The following UST variants were observed in gnomAD, a reference collection of about 807,000 sequenced individuals.
UST encodes chondroitin sulfate 2-O-sulfotransferase.
Under a neutral mutation model 45.6 loss-of-function variants are expected in UST, and 21 were observed. That is an observed-to-expected ratio of 0.46 (90% CI 0.33 to 0.66). The LOEUF is 0.66. UST is among the 30% of genes least tolerant of loss of function. The pLI is 0.02. For missense variants in UST, 463 were observed against 512.4 expected, an observed-to-expected ratio of 0.90 and a Z score of 0.93; for synonymous variants, 215 against 200.6, an observed-to-expected ratio of 1.07 and a Z score of -0.61.
chr6:148,879,952 C>CTTTTTTTTT (rs766758383), intron 1 of UST, among the ~76,000 whole-genome samples: 1 of 119,854 alleles, frequency 8.3e-6, no homozygotes, highest in Non-Finnish European at 1.8e-5. Flanking sequence ...TTTTTTTTTT[C>CTTTTTTTTT]TTTTTTTTTT....
chr6:148,950,717 A>C (rs1272846541), intron 3 of UST, among the ~76,000 whole-genome samples: 1 of 152,214 alleles, frequency 6.6e-6, no homozygotes, highest in Non-Finnish European at 1.5e-5. Flanking sequence ...CTACTGAGGG[A>C]AACCTCCCTG....
chr6:149,006,341 G>C (rs549166969), intron 5 of UST, among the ~76,000 whole-genome samples: 2 of 152,166 alleles, frequency 1.3e-5, no homozygotes, highest in Middle Eastern at 3.4e-3. Context: ...GTAGTGTTTG[G>C]TTTTCTGTTC....
At chr6:148,886,874 G>T in intron 1 of UST, 112 bp from the exon 2 acceptor site, 2 of 894,650 alleles carry the variant, frequency 2.2e-6, no homozygotes, top group African/African-American at 1.7e-5. Flanking sequence ...CTTTGGTACT[G>T]TTGTCTGAGC....
At chr6:148,894,550 A>C (rs1779082541) in intron 2 of UST, among the ~76,000 whole-genome samples, 1 of 152,162 alleles carries the variant, frequency 6.6e-6, no homozygotes, top group Non-Finnish European at 1.5e-5. Flanking sequence ...TTCCCCCTCC[A>C]AACCCCCAGG....
At position 148,882,196 on chromosome 6, in the gene UST, T is replaced by C. The variant is rs754837877; in HGVS notation, c.248-4790T>C. Among the ~76,000 whole-genome samples, 7 of 152,184 alleles carry C rather than the reference T, an allele frequency of 4.6e-5. No individual in the cohort carries two copies. The South Asian group carries it at 1.0e-3, about 23-fold the overall frequency. On this transcript the variant is annotated intron_variant, in intron 1 of 7. Transcript: ENST00000367463. ...GAAAGAAGCATTAAAGAGAGTTGTCTCATTTCTGGTTGGGCGCAGTGGCTC... is the reference window on the plus strand; with the variant it reads ...GAAAGAAGCATTAAAGAGAGTTGTCCCATTTCTGGTTGGGCGCAGTGGCTC...
chr6:149,007,531 G>A (rs1204792763), intron 5 of UST, among the ~76,000 whole-genome samples: 4 of 145,808 alleles, frequency 2.7e-5, no homozygotes, highest in African/African-American at 2.6e-5. Context: ...CTCATGATCC[G>A]CCCGTCTCGG....
chr6:148,750,260 A>C (rs911114366), intron 1 of UST, among the ~76,000 whole-genome samples: 5 of 152,228 alleles, frequency 3.3e-5, no homozygotes, highest in African/African-American at 1.2e-4. Flanking sequence ...ATGGCCACTC[A>C]ATAAATATTG....
intron 1 of UST, among the ~76,000 whole-genome samples, chr6:148,845,747 G>A (rs145047948): frequency 6.6e-5 from 10 of 152,302 alleles, no homozygotes; most frequent in African/African-American, 2.4e-4. Context: ...CTAACAATGT[G>A]TGAGTGTTCT....
At chr6:148,915,203 A>C (rs1270459699) in intron 2 of UST, among the ~76,000 whole-genome samples, 1 of 152,244 alleles carries the variant, frequency 6.6e-6, no homozygotes, top group East Asian at 1.9e-4. Context: ...ATAGCAGATT[A>C]AATTGGACTA....
intron 1 of UST, among the ~76,000 whole-genome samples, chr6:148,757,803 A>G (rs1776125355): frequency 6.6e-6 from 1 of 152,236 alleles, no homozygotes; most frequent in East Asian, 1.9e-4. Flanking sequence ...CATTCAACAA[A>G]TATTCATGGA....
intron 2 of UST, among the ~76,000 whole-genome samples, chr6:148,908,316 T>C (rs1021582262): frequency 1.3e-5 from 2 of 152,246 alleles, no homozygotes; most frequent in African/African-American, 4.8e-5. Context: ...TAATTGGTGA[T>C]ATATTGGAAT....
At chr6:148,885,039 T>C (rs1007494871) in intron 1 of UST, among the ~76,000 whole-genome samples, 1 of 152,048 alleles carries the variant, frequency 6.6e-6, no homozygotes, top group African/African-American at 2.4e-5. Flanking sequence ...AGGGGAAGTG[T>C]GAGATGCCTT....
chr6:148,843,832 G>T (rs1777931741), intron 1 of UST, among the ~76,000 whole-genome samples: 1 of 152,150 alleles, frequency 6.6e-6, no homozygotes, highest in Admixed American at 6.5e-5. Flanking sequence ...TATGGTTTTT[G>T]TGTTTTGTTT....
At chr6:148,788,305 G>A (rs990960104) in intron 1 of UST, among the ~76,000 whole-genome samples, 72 of 152,222 alleles carry the variant, frequency 4.7e-4, no homozygotes, top group African/African-American at 1.7e-3. Flanking sequence ...AGATTTGGGT[G>A]AGGACACAGC....
chr6:149,029,466 T>A (rs1394305670), intron 7 of UST, among the ~76,000 whole-genome samples: 1 of 143,546 alleles, frequency 7.0e-6, no homozygotes, highest in African/African-American at 2.6e-5. Flanking sequence ...CATTATATAT[T>A]ATATATATAA....
intron 7 of UST, among the ~76,000 whole-genome samples, chr6:149,054,905 T>A (rs965436018): frequency 6.6e-6 from 1 of 152,194 alleles, no homozygotes; most frequent in African/African-American, 2.4e-5. Flanking sequence ...CACTGCAGCC[T>A]AGACCTCCCC....
At chr6:148,890,558 G>A (rs1562290882) in intron 2 of UST, among the ~76,000 whole-genome samples, 1 of 152,190 alleles carries the variant, frequency 6.6e-6, no homozygotes. Context: ...TGACGTTACA[G>A]GCGAGTTCTC....
At chr6:148,840,139 T>C (rs1343602305) in intron 1 of UST, among the ~76,000 whole-genome samples, 4 of 152,102 alleles carry the variant, frequency 2.6e-5, no homozygotes, top group African/African-American at 9.7e-5. Flanking sequence ...ACAAAAGGAA[T>C]AGTTGCAGAA....
chr6:148,863,969 G>A (rs993853066), intron 1 of UST, among the ~76,000 whole-genome samples: 2 of 152,208 alleles, frequency 1.3e-5, no homozygotes, highest in African/African-American at 4.8e-5. Context: ...ACTTAAGGAG[G>A]CAGTCTGTCT....
Sources: gnomAD v4.1 joint callset for allele counts (sites outside exome capture counted in the v4.1 genomes callset) on GRCh38, gnomAD v4.1.1 for gene constraint, MANE v1.5 for transcripts, NCBI Gene and HGNC (gene_info 2026-07-23, HGNC 2026-07-21) for gene names.